The following ERP27 variants were observed in gnomAD, a reference collection of about 807,000 sequenced individuals.
ERP27 encodes endoplasmic reticulum protein 27.
In ERP27, 23 loss-of-function variants were observed where a neutral mutation model predicts 27.7. That is an observed-to-expected ratio of 0.83 (90% CI 0.60 to 1.18). The LOEUF (loss-of-function observed/expected upper bound fraction) is 1.18. Among genes scored for constraint, ERP27 ranks in the 50% most tolerant of loss-of-function variants. ERP27 has a pLI of 0.00. For missense variants in ERP27, 363 were observed against 327.9 expected, an observed-to-expected ratio of 1.11 and a Z score of -0.83; for synonymous variants, 159 against 118.3, an observed-to-expected ratio of 1.34 and a Z score of -2.23.
chr12:14,923,620 G>T (rs1863549485), intron 3 of ERP27, among the ~76,000 whole-genome samples: 1 of 151,622 alleles, frequency 6.6e-6, no homozygotes, highest in East Asian at 1.9e-4. Flanking sequence ...AAATAATACT[G>T]CCATGCCATT....
chr12:14,915,786 A>G (rs774874811), intron 5 of ERP27, 100 bp from the exon 6 acceptor site: 7 of 1,036,658 alleles, frequency 6.8e-6, no homozygotes, highest in East Asian at 5.0e-5. Context: ...GATTGAATTT[A>G]TGGTCTGCAC....
rs778034119 is a variant in ERP27, at chr12:14,938,036, G to A, written c.111C>T (p.Ala37=). ...CATCTGTGAGCCACGTGGGTTCCTGGGCAGCACCAGGACCATCTAGAGAGA... is the reference window on the plus strand; with the variant it reads ...CATCTGTGAGCCACGTGGGTTCCTGAGCAGCACCAGGACCATCTAGAGAGA... ...VEKSSDGPGA[A]QEPTWLTDVP... is the part of the protein sequence containing the mutation. The change falls in exon 2 of 7, where the codon GCC becomes GCT. Residue 37 remains alanine, a synonymous_variant. Transcript: ENST00000266397. The A allele has an allele frequency of 6.2e-6, 10 of 1,614,056 alleles. No homozygotes were observed. The highest frequency in any genetic ancestry group is 8.5e-6 in the Non-Finnish European group (10 of 1,179,946).
At position 14,914,780 on chromosome 12, in the gene ERP27, T is replaced by C. The variant is rs201092841; in HGVS notation, c.777A>G (p.Lys259=). 6.2e-7 allele frequency: 1 copy of C among 1,613,470 alleles called. No homozygotes were observed. Among genetic ancestry groups the C allele is most frequent in the Non-Finnish European group, 8.5e-7 (1 of 1,179,460 alleles). Residue 259 remains lysine (K), a splice_region_variant and synonymous_variant, in exon 7 of 7, where the codon AAA becomes AAG. Coordinates refer to ENST00000266397, the MANE Select transcript of ERP27 (RefSeq NM_152321.4). ...CDGFLSGKLL[K]ENRESEGKTP... ...TCTTTCCTTCTGATTCACGATTTTCTTTCTGGAAAACATTATAACAATGAT... is the reference window on the plus strand; with the variant it reads ...TCTTTCCTTCTGATTCACGATTTTCCTTCTGGAAAACATTATAACAATGAT...
chr12:14,931,448 GA>G (rs1206802430), intron 3 of ERP27, among the ~76,000 whole-genome samples: 2 of 151,516 alleles, frequency 1.3e-5, no homozygotes, highest in South Asian at 2.1e-4. Flanking sequence ...TGTAAACTGT[GA>G]AAAAAATATT....
chr12:14,919,336 A>T (rs1426272591), intron 4 of ERP27, among the ~76,000 whole-genome samples: 20 of 152,194 alleles, frequency 1.3e-4, no homozygotes, highest in Non-Finnish European at 2.9e-5. Flanking sequence ...TGCTCTGCGA[A>T]ATGAGAGACA....
intron 3 of ERP27, among the ~76,000 whole-genome samples, chr12:14,922,144 A>T (rs187615120): frequency 6.6e-6 from 1 of 152,296 alleles, no homozygotes; most frequent in Admixed American, 6.5e-5. Flanking sequence ...CTCTGTATCC[A>T]CTGAGCATAT....
intron 6 of ERP27, among the ~76,000 whole-genome samples, chr12:14,915,165 A>G (rs562916652): frequency 1.3e-5 from 2 of 152,190 alleles, no homozygotes; most frequent in Non-Finnish European, 2.9e-5. Flanking sequence ...ACAGAGTGAT[A>G]TTCTATACAT....
intron 3 of ERP27, among the ~76,000 whole-genome samples, chr12:14,922,845 G>A (rs1235395857): frequency 6.6e-6 from 1 of 152,168 alleles, no homozygotes; most frequent in Non-Finnish European, 1.5e-5. Flanking sequence ...AGAGGCCGAG[G>A]CCAGCGGATC....
rs11056240 is a variant in ERP27, at chr12:14,918,520, G to A, written c.451-1217C>T. Among the ~76,000 whole-genome samples the A allele has an allele frequency of 9.3e-3, 1,421 of 152,294 alleles. 31 individuals carry two copies. The highest frequency in any genetic ancestry group is 0.032 in the African/African-American group (1,345 of 41,558). On this transcript the variant is annotated intron_variant, in intron 4 of 6. Coordinates refer to ENST00000266397, the MANE Select transcript of ERP27 (RefSeq NM_152321.4). ...CTGGTTCCCTTCATTTCACTGTCCT[G>A]AAATAATGCTGCGAGTCTACTTCAA...
chr12:14,919,539 G>A (rs548176688), intron 4 of ERP27, among the ~76,000 whole-genome samples: 1 of 152,286 alleles, frequency 6.6e-6, no homozygotes, highest in South Asian at 2.1e-4. Flanking sequence ...AGCAGAAGTG[G>A]AAATAGAGTC....
Position 14,931,845 on chromosome 12 carries a change from G to T in ERP27, c.333+3011C>A, listed in dbSNP as rs986437836. 2.0e-4 allele frequency among the ~76,000 whole-genome samples: 30 copies of T among 152,184 alleles called. 1 individual carries two copies. Among genetic ancestry groups the T allele is most frequent in the African/African-American group, 7.2e-4 (30 of 41,506 alleles). ...CAAACGAAAAACTGAGAAAGAAGTA[G>T]GTGTGGAGTGTAGCTTATTAGAATT... On this transcript the variant is annotated intron_variant, in intron 3 of 6. Coordinates refer to ENST00000266397, the MANE Select transcript of ERP27 (RefSeq NM_152321.4).
chr12:14,914,579 C>T lies in ERP27; in HGVS notation c.*156G>A, dbSNP rs76918744. The T allele has an allele frequency of 4.5e-4, 209 of 468,052 alleles. 1 individual carries two copies. The highest frequency in any genetic ancestry group is 4.3e-3 in the Admixed American group (104 of 24,434). The allele number at this position is 468,052 out of a possible 1,614,324, so 29.0% of individuals were successfully genotyped here. A position where few individuals can be genotyped will look rare whatever the true frequency, so the allele number is the denominator to read the frequency against. On this transcript the variant is annotated 3_prime_UTR_variant, in exon 7 of 7. Transcript: ENST00000266397. ...AGCTCTGTGTGTGTGTGTGTGTGTG[C>T]GTGTGTGTGTGCACGCGTGCGTGCG...
In ERP27 at chr12:14,914,769, T is replaced by C; in HGVS notation, c.788A>G (p.Glu263Gly). The change falls in exon 7 of 7, where the codon GAA (glutamate) becomes GGA (glycine). Residue 263 changes from glutamate to glycine, a missense_variant. Coordinates refer to ENST00000266397, the MANE Select transcript of ERP27 (RefSeq NM_152321.4). ...LSGKLLKENR[E>G]SEGKTPKVEL ...CACCTTTGGAGTCTTTCCTTCTGAT[T>C]CACGATTTTCTTTCTGGAAAACATT... The C allele has an allele frequency of 6.2e-7, 1 of 1,613,848 alleles. No homozygotes were observed. The highest frequency in any genetic ancestry group is 1.1e-5 in the South Asian group (1 of 91,056).
chr12:14,923,289 C>T (rs1212552766), intron 3 of ERP27, among the ~76,000 whole-genome samples: 1 of 152,004 alleles, frequency 6.6e-6, no homozygotes, highest in African/African-American at 2.4e-5. Flanking sequence ...AACGCTGGCT[C>T]ATCTAGGTCT....
At chr12:14,934,164 G>A (rs1259980079) in intron 3 of ERP27, among the ~76,000 whole-genome samples, 2 of 152,014 alleles carry the variant, frequency 1.3e-5, no homozygotes, top group Non-Finnish European at 2.9e-5. Flanking sequence ...CCTGTTTATT[G>A]TTTCCTGAGT....
intron 3 of ERP27, among the ~76,000 whole-genome samples, chr12:14,922,584 G>A (rs777620188): frequency 8.5e-5 from 13 of 152,060 alleles, no homozygotes; most frequent in Non-Finnish European, 1.8e-4. Flanking sequence ...AATGGTGACT[G>A]CACATGAAAG....
At position 14,934,939 on chromosome 12, in the gene ERP27, C is replaced by T. The variant is rs1304846443; in HGVS notation, c.250G>A (p.Gly84Ser). Residue 84 changes from glycine to serine, a missense_variant, in exon 3 of 7, where the codon GGC becomes AGC. By Grantham distance (56) the Gly-to-Ser change is moderately conservative. Transcript: ENST00000266397. ...ILHSMVQKFPGVSFGISTDSE... is the reference protein window; with the variant it reads ...ILHSMVQKFPSVSFGISTDSE... ...TCAGTGCTGATCCCAAATGACACGC[C>T]TGGGAATTTTTGCACCATGCTATGG... 9.3e-6 allele frequency: 15 copies of T among 1,614,078 alleles called. No homozygotes were observed. Among genetic ancestry groups the T allele is most frequent in the Non-Finnish European group, 1.1e-5 (13 of 1,179,998 alleles).
intron 3 of ERP27, among the ~76,000 whole-genome samples, chr12:14,929,789 C>A (rs1259853652): frequency 6.6e-6 from 1 of 152,030 alleles, no homozygotes; most frequent in Admixed American, 6.6e-5. Context: ...TTTCTAACAA[C>A]CCAGATTTTT....
At chr12:14,920,873 G>T in intron 4 of ERP27, 59 bp downstream of exon 4, 2 of 1,327,042 alleles carry the variant, frequency 1.5e-6, no homozygotes, top group South Asian at 1.2e-5. Flanking sequence ...CTGTTATGAA[G>T]ACCAGTACCT....
Sources: allele counts gnomAD v4.1 joint callset (sites outside exome capture counted in the v4.1 genomes callset), GRCh38; gene constraint gnomAD v4.1.1; transcripts MANE v1.5; gene names NCBI Gene and HGNC (gene_info 2026-07-23, HGNC 2026-07-21).